The following TOGARAM2 variants were observed in gnomAD, a reference collection of about 807,000 sequenced individuals.
TOGARAM2 encodes TOG array regulator of axonemal microtubules 2, also known as TOG array regulator of axonemal microtubules protein 2.
TOGARAM2 carries 85 observed loss-of-function variants against 93.3 expected under a neutral mutation model. The observed-to-expected ratio is 0.91, with a 90% confidence interval of 0.76 to 1.09. TOGARAM2 has a LOEUF of 1.09. Ranked by LOEUF, TOGARAM2 falls within the 50% of genes least tolerant of loss-of-function variation. The probability of loss-of-function intolerance (pLI) is 0.00; values close to 1 mark genes in which losing one functional copy is unlikely to be tolerated. For missense variants in TOGARAM2, 1,277 were observed against 1,334.5 expected, an observed-to-expected ratio of 0.96 and a Z score of 0.67; for synonymous variants, 593 against 552.8, an observed-to-expected ratio of 1.07 and a Z score of -1.02.
chr2:29,017,145 T>G lies in TOGARAM2; in HGVS notation c.1045-9T>G, dbSNP rs766384305. On this transcript the variant is annotated splice_polypyrimidine_tract_variant and intron_variant, in intron 8 of 19. Coordinates refer to ENST00000379558, the MANE Select transcript of TOGARAM2 (RefSeq NM_199280.4). ...GAGGTTAATAGAGTTTGCCTTGACC[T>G]TGTGCCAGATCCAAGTCACCATCTC... 6.2e-7 allele frequency: 1 copy of G among 1,611,636 alleles called. No individual in the cohort carries two copies. Among genetic ancestry groups the G allele is most frequent in the South Asian group, 1.1e-5 (1 of 90,708 alleles).
chr2:28,957,693 C>G (rs1026039558), intron 1 of TOGARAM2, among the ~76,000 whole-genome samples: 2 of 152,060 alleles, frequency 1.3e-5, no homozygotes, highest in African/African-American at 4.8e-5. Flanking sequence ...GGTTTGTTCA[C>G]ATGATACTTA....
chr2:28,971,298 A>C (rs185173438), intron 1 of TOGARAM2, among the ~76,000 whole-genome samples: 2 of 151,502 alleles, frequency 1.3e-5, no homozygotes, highest in Non-Finnish European at 2.9e-5. Context: ...TGCAGCCTCA[A>C]CCTCCCAGGC....
intron 8 of TOGARAM2, among the ~76,000 whole-genome samples, chr2:29,015,847 G>T (rs1003709001): frequency 6.6e-6 from 1 of 151,938 alleles, no homozygotes; most frequent in African/African-American, 2.4e-5. Context: ...CATCTCCCCG[G>T]CCTCTGGATG....
At chr2:29,011,425 T>G in intron 6 of TOGARAM2, 30 bp from the exon 7 acceptor site, 2 of 1,609,456 alleles carry the variant, frequency 1.2e-6, no homozygotes, top group Non-Finnish European at 1.7e-6. Context: ...CCATCCCTCA[T>G]GATGCTTTTC....
intron 1 of TOGARAM2, among the ~76,000 whole-genome samples, chr2:28,957,113 A>G (rs1207587233): frequency 6.6e-6 from 1 of 152,202 alleles, no homozygotes; most frequent in African/African-American, 2.4e-5. Flanking sequence ...TCAAAAAACA[A>G]AAAACAAAAA....
chr2:28,993,569 A>G (rs1307202801), intron 1 of TOGARAM2, among the ~76,000 whole-genome samples: 2 of 152,174 alleles, frequency 1.3e-5, no homozygotes, highest in African/African-American at 4.8e-5. Context: ...CCACATCCTT[A>G]TCCCAGTAGA....
rs895591 is a variant in TOGARAM2 at position 29,051,854 on chromosome 2, A to G, written c.2821A>G (p.Thr941Ala). ...CCTGAACACCGCCACCAGGAATGGC[A>G]CCCTGCCTGGACCCAGCGGGAACAT... ...HFLNTATRNG[T>A]LPGPSGNIRG... is the part of the protein sequence containing the mutation. Residue 941 changes from threonine (T) to alanine (A), a missense_variant, in exon 20 of 20, where the codon ACC becomes GCC. By Grantham distance (58) the Thr-to-Ala change is moderately conservative (BLOSUM62 0). Coordinates refer to ENST00000379558, the MANE Select transcript of TOGARAM2 (RefSeq NM_199280.4). 0.54 allele frequency: 850,704 copies of G among 1,566,256 alleles called. 233,759 individuals carry two copies. The highest frequency in any genetic ancestry group is 0.72 in the East Asian group (30,257 of 41,800).
rs768877258 is a variant in TOGARAM2 at position 29,045,376 on chromosome 2, C to T, written c.2688C>T (p.Gly896=). ...CTGGGCGAGTGCGTTTCCTGAGTGG[C>T]CGTGCGGTGCTGGATGTCACAGATC... ...ALAGRVRFLS[G]RAVLDVTDRL... Residue 896 remains glycine, a synonymous_variant, in exon 19 of 20, where the codon GGC becomes GGT. Coordinates refer to ENST00000379558, the MANE Select transcript of TOGARAM2 (RefSeq NM_199280.4). 1.2e-6 allele frequency: 2 copies of T among 1,613,714 alleles called. No homozygotes were observed. The highest frequency in any genetic ancestry group is 1.7e-6 in the Non-Finnish European group (2 of 1,179,872).
rs373141457 is a variant in TOGARAM2 at position 29,005,887 on chromosome 2, G to A, written c.830+2205G>A. ...GTGTCAGTGCATGTTGTGAGTGCATGTGTATGTGTGTGAGTGCGTGTGTGT... is the reference window on the plus strand; with the variant it reads ...GTGTCAGTGCATGTTGTGAGTGCATATGTATGTGTGTGAGTGCGTGTGTGT... On this transcript the variant is annotated intron_variant, in intron 6 of 19. Coordinates refer to ENST00000379558, the MANE Select transcript of TOGARAM2 (RefSeq NM_199280.4). Among the ~76,000 whole-genome samples the A allele has an allele frequency of 6.1e-4, 92 of 150,450 alleles. 1 individual carries two copies. In the South Asian group the frequency reaches 0.019, roughly 31 times the overall value.
chr2:29,011,579 G>T, intron 7 of TOGARAM2, 78 bp downstream of exon 7: 1 of 1,384,698 alleles, frequency 7.2e-7, no homozygotes. Flanking sequence ...AACAGAATTA[G>T]GGCCAGAGGA....
intron 18 of TOGARAM2, among the ~76,000 whole-genome samples, chr2:29,044,803 G>C (rs1440391292): frequency 6.6e-6 from 1 of 152,040 alleles, no homozygotes; most frequent in Non-Finnish European, 1.5e-5. Context: ...ACAAATTCAG[G>C]CTTTGAGAAG....
At chr2:29,008,940 G>A (rs1368009877) in intron 6 of TOGARAM2, among the ~76,000 whole-genome samples, 2 of 152,200 alleles carry the variant, frequency 1.3e-5, no homozygotes, top group African/African-American at 4.8e-5. Context: ...TGTTGACAAT[G>A]TGGGGCTCTC....
At chr2:29,001,755 A>G (rs1032897905) in intron 4 of TOGARAM2, among the ~76,000 whole-genome samples, 1 of 151,996 alleles carries the variant, frequency 6.6e-6, no homozygotes, top group African/African-American at 2.4e-5. Context: ...CGGCCTCCCA[A>G]AGTGTGTGGG....
At chr2:29,035,359 C>G in intron 16 of TOGARAM2, 105 bp from the exon 17 acceptor site, 1 of 1,091,644 alleles carries the variant, frequency 9.2e-7, no homozygotes, top group Non-Finnish European at 1.2e-6. Context: ...AGGTGACACT[C>G]TTGTCTCTGC....
chr2:29,019,461 T>C (rs1664801227), intron 10 of TOGARAM2, among the ~76,000 whole-genome samples: 1 of 152,098 alleles, frequency 6.6e-6, no homozygotes, highest in Non-Finnish European at 1.5e-5. Flanking sequence ...TGAGCCACCA[T>C]GCCTGGCCAA....
intron 1 of TOGARAM2, among the ~76,000 whole-genome samples, chr2:28,990,665 C>G (rs1438987077): frequency 1.3e-5 from 2 of 152,162 alleles, no homozygotes; most frequent in Non-Finnish European, 2.9e-5. Context: ...CTCCGGTGCC[C>G]TAGTCAGACA....
At chr2:29,005,787 T>TGCATGTGTATGA (rs1280785637) in intron 6 of TOGARAM2, among the ~76,000 whole-genome samples, 2 of 149,166 alleles carry the variant, frequency 1.3e-5, no homozygotes, top group Non-Finnish European at 3.0e-5. Context: ...AGTATCTGTG[T>TGCATGTGTATGA]GTGCATGTGT....
chr2:29,045,513 T>TC (rs759973794), intron 19 of TOGARAM2, 103 bp downstream of exon 19: 19 of 941,186 alleles, frequency 2.0e-5, no homozygotes, highest in African/African-American at 1.1e-4. Context: ...CCTGAAATAA[T>TC]CCCCCCCAAT....
Position 29,024,316 on chromosome 2 carries a change from A to G in TOGARAM2, c.1795A>G (p.Met599Val). Residue 599 changes from methionine (M) to valine (V), a missense_variant, in exon 13 of 20, where the codon ATG (methionine) becomes GTG (valine). Transcript: ENST00000379558. ...QRAAGQSLRAMVENVTLARSL... is the reference protein window; with the variant it reads ...QRAAGQSLRAVVENVTLARSL... ...AGCAGCCGGCCAGTCTCTGAGGGCT[A>G]TGGTGGAGAATGTGACCCTTGCCCG... 6.2e-7 allele frequency: 1 copy of G among 1,612,996 alleles called. No homozygotes were observed. Among genetic ancestry groups the G allele is most frequent in the Non-Finnish European group, 8.5e-7 (1 of 1,179,528 alleles).
Sources: gnomAD v4.1 joint callset for allele counts (sites outside exome capture counted in the v4.1 genomes callset) on GRCh38, gnomAD v4.1.1 for gene constraint, MANE v1.5 for transcripts, NCBI Gene and HGNC (gene_info 2026-07-23, HGNC 2026-07-21) for gene names.